The following PZP variants were observed in gnomAD, a reference collection of about 807,000 sequenced individuals.
PZP encodes pregnancy zone protein.
In PZP, 150 loss-of-function variants were observed where a neutral mutation model predicts 179.8. The ratio of observed to expected loss-of-function variants is 0.83; its 90% CI spans 0.73 to 0.96. PZP has a LOEUF of 0.96. Ranked by LOEUF, PZP falls within the 40% of genes least tolerant of loss-of-function variation. The pLI is 0.00. For synonymous variants in PZP, 624 were observed against 652.3 expected (o/e 0.96, Z 0.66); for missense variants, 1,689 against 1,764.0 (o/e 0.96, Z 0.76).
intron 6 of PZP, 79 bp from the exon 7 acceptor site, chr12:9,200,527 T>A: frequency 8.5e-7 from 1 of 1,171,914 alleles, no homozygotes; most frequent in Non-Finnish European, 1.2e-6. Context: ...ATGTCTATAA[T>A]TTTTCCCAAA....
At chr12:9,137,563 A>C in the PZP span, among the ~76,000 whole-genome samples, 8 of 152,022 alleles carry the variant, frequency 5.3e-5, no homozygotes, top group African/African-American at 1.9e-4. Context: ...TTTTTAAACA[A>C]TACCAATGTG....
the PZP span, among the ~76,000 whole-genome samples, chr12:9,143,403 C>T: frequency 6.6e-6 from 1 of 151,950 alleles, no homozygotes; most frequent in Non-Finnish European, 1.5e-5. Context: ...AGGGTTCGGA[C>T]AGGCAAGAAG....
At position 9,150,563 on chromosome 12, in the gene PZP, G is replaced by A. The variant is rs1940276522; in HGVS notation, c.4384+81C>T. 3 of 908,422 alleles carry A rather than the reference G, an allele frequency of 3.3e-6. No individual in the cohort carries two copies. In the East Asian group the frequency reaches 7.5e-5, roughly 23 times the overall value. The allele number at this position is 908,422 out of a possible 1,614,324, so 56.3% of individuals were successfully genotyped here. On this transcript the variant is annotated intron_variant, in intron 34 of 35. Transcript: ENST00000261336. ...AACAAAAGATTAATGTTGACTAAGT[G>A]GGCTAAGAAGAGGATCAACTGTCAC...
chr12:9,152,384 C>T, intron 31 of PZP, 74 bp from the exon 32 acceptor site: 2 of 1,080,916 alleles, frequency 1.9e-6, no homozygotes, highest in Admixed American at 3.5e-5. Flanking sequence ...TCAAGCATCA[C>T]TTTAAGCCTG....
At chr12:9,181,501 C>T (rs764623106) in intron 14 of PZP, among the ~76,000 whole-genome samples, 1 of 152,268 alleles carries the variant, frequency 6.6e-6, no homozygotes, top group African/African-American at 2.4e-5. Context: ...TTAATTTACT[C>T]ACTCTTTTAA....
At chr12:9,136,549 A>G in the PZP span, among the ~76,000 whole-genome samples, 4 of 152,294 alleles carry the variant, frequency 2.6e-5, no homozygotes, top group African/African-American at 7.2e-5. Flanking sequence ...GCATATATAT[A>G]TGCATGTATA....
intron 1 of PZP, 119 bp downstream of exon 1, chr12:9,208,140 T>TTA: frequency 1.5e-6 from 1 of 681,968 alleles, no homozygotes; most frequent in Non-Finnish European, 2.6e-6. Flanking sequence ...GAATAATTTC[T>TTA]TATATTTGGA....
downstream of PZP, among the ~76,000 whole-genome samples, chr12:9,148,110 T>C (rs1940106454): frequency 6.6e-6 from 1 of 152,222 alleles, no homozygotes; most frequent in Non-Finnish European, 1.5e-5. Flanking sequence ...CTTTAGAAAT[T>C]ATTTTAAGCA....
At chr12:9,193,732 T>A (rs1943587571) in intron 11 of PZP, among the ~76,000 whole-genome samples, 1 of 152,188 alleles carries the variant, frequency 6.6e-6, no homozygotes, top group South Asian at 2.1e-4. Context: ...TGTGTGTGTG[T>A]GATCACTTTA....
intron 27 of PZP, among the ~76,000 whole-genome samples, chr12:9,157,565 G>T (rs948043558): frequency 6.6e-6 from 1 of 152,176 alleles, no homozygotes; most frequent in Non-Finnish European, 1.5e-5. Context: ...CTGTTTTTAG[G>T]ATTGGTTTTG....
chr12:9,149,655 C>T, intron 34 of PZP, 53 bp from the exon 35 acceptor site: 4 of 1,571,114 alleles, frequency 2.5e-6, no homozygotes, highest in Non-Finnish European at 3.5e-6. Flanking sequence ...GAACTAGGGA[C>T]CATGCTAAAT....
At position 9,166,269 on chromosome 12, in the gene PZP, C is replaced by T. The variant is rs199715645; in HGVS notation, c.2108-67G>A. ...TTAATTTCATGGTGCACATGTGAGA[C>T]GTTAGAGAACAAAATTTTCAGTTTT... On this transcript the variant is annotated intron_variant, in intron 17 of 35. Transcript: ENST00000261336. 248 of 1,512,994 alleles carry T rather than the reference C, an allele frequency of 1.6e-4. No individual in the cohort carries two copies. In the East Asian group the frequency reaches 2.2e-3, roughly 14 times the overall value. The allele number at this position is 1,512,994 out of a possible 1,614,324, so 93.7% of individuals were successfully genotyped here. A position where few individuals can be genotyped will look rare whatever the true frequency, so the allele number is the denominator to read the frequency against.
chr12:9,208,217 C>A (rs1473771164), intron 1 of PZP, 42 bp downstream of exon 1: 1 of 1,520,194 alleles, frequency 6.6e-7, no homozygotes, highest in African/African-American at 1.4e-5. Flanking sequence ...AAGGGAGAGA[C>A]TGAAACGCAC....
intron 11 of PZP, among the ~76,000 whole-genome samples, chr12:9,193,511 G>A (rs778109483): frequency 7.2e-4 from 109 of 152,116 alleles, no homozygotes; most frequent in African/African-American, 2.4e-3. Flanking sequence ...GAGAGTGAGT[G>A]TCTATCACAT....
At chr12:9,145,942 A>G (rs12302819), downstream of PZP, among the ~76,000 whole-genome samples, 60,004 of 151,938 alleles carry the variant, frequency 0.39, 12,304 homozygotes, top group Non-Finnish European at 0.45. Flanking sequence ...CTTACAAGTC[A>G]CTGTTCTCTT....
intron 15 of PZP, 37 bp from the exon 16 acceptor site, chr12:9,169,628 T>G: frequency 6.6e-7 from 1 of 1,518,468 alleles, no homozygotes; most frequent in Non-Finnish European, 8.8e-7. Context: ...GAACTGTTAC[T>G]TACTTTTCTT....
chr12:9,190,122 C>T (rs997661581), intron 13 of PZP, among the ~76,000 whole-genome samples: 7 of 152,018 alleles, frequency 4.6e-5, no homozygotes, highest in African/African-American at 1.7e-4. Context: ...TATCATTTGA[C>T]CCAAGAATCC....
chr12:9,200,273 T>C, intron 7 of PZP, 91 bp downstream of exon 7: 1 of 816,036 alleles, frequency 1.2e-6, no homozygotes, highest in Non-Finnish European at 1.9e-6. Context: ...ACAAAAGTGC[T>C]GAGGCAAAGT....
intron 35 of PZP, 45 bp downstream of exon 35, chr12:9,149,516 T>G: frequency 6.5e-7 from 1 of 1,544,792 alleles, no homozygotes; most frequent in South Asian, 1.2e-5. Context: ...CCTTGGAGAG[T>G]GGGTTAATGC....
Sources: allele counts gnomAD v4.1 joint callset (sites outside exome capture counted in the v4.1 genomes callset), GRCh38; gene constraint gnomAD v4.1.1; transcripts MANE v1.5; gene names NCBI Gene and HGNC (gene_info 2026-07-23, HGNC 2026-07-21).